Variants in XRCC4 observed in about 807,000 individuals in gnomAD.
The protein encoded by XRCC4 is DNA repair protein XRCC4.
XRCC4 carries 28 observed loss-of-function variants against 39.1 expected under a neutral mutation model. The observed-to-expected ratio is 0.72, with a 90% confidence interval of 0.53 to 0.98. The LOEUF (loss-of-function observed/expected upper bound fraction) is 0.98. Ranked by LOEUF, XRCC4 falls within the 50% of genes least tolerant of loss-of-function variation. The pLI is 0.00. For synonymous variants in XRCC4, 123 were observed against 126.4 expected, an observed-to-expected ratio of 0.97 and a Z score of 0.18; for missense variants, 350 against 376.4, an observed-to-expected ratio of 0.93 and a Z score of 0.58.
At chr5:83,309,165 G>A (rs915513541) in intron 7 of XRCC4, among the ~76,000 whole-genome samples, 12 of 145,884 alleles carry the variant, frequency 8.2e-5, no homozygotes, top group Non-Finnish European at 1.2e-4. Flanking sequence ...TCTAGCCCCA[G>A]CTACTCGGGA....
intron 7 of XRCC4, among the ~76,000 whole-genome samples, chr5:83,269,300 A>G (rs888037080): frequency 6.6e-6 from 1 of 152,074 alleles, no homozygotes; most frequent in Non-Finnish European, 1.5e-5. Flanking sequence ...ACTGTGTCCT[A>G]TGCTGGGACT....
intron 6 of XRCC4, among the ~76,000 whole-genome samples, chr5:83,227,524 G>T (rs1347541332): frequency 1.3e-5 from 2 of 151,940 alleles, no homozygotes; most frequent in African/African-American, 4.8e-5. Flanking sequence ...AATTATCTAC[G>T]TGATTTTTAC....
intron 3 of XRCC4, among the ~76,000 whole-genome samples, chr5:83,171,074 A>G (rs990830864): frequency 6.6e-6 from 1 of 152,004 alleles, no homozygotes; most frequent in Non-Finnish European, 1.5e-5. Flanking sequence ...ACTCTAATAG[A>G]CCTGCACTCA....
chr5:83,370,200 A>G, the XRCC4 span, among the ~76,000 whole-genome samples: 39 of 152,128 alleles, frequency 2.6e-4, no homozygotes, highest in Non-Finnish European at 5.1e-4. Context: ...CCCTTAAATC[A>G]TATTATTGAG....
intron 1 of XRCC4, among the ~76,000 whole-genome samples, chr5:83,092,013 T>C (rs1745451604): frequency 6.6e-6 from 1 of 152,200 alleles, no homozygotes; most frequent in South Asian, 2.1e-4. Flanking sequence ...CTCCACCTTC[T>C]TGCAAGTGTT....
At chr5:83,304,176 C>CTTT (rs753535950) in intron 7 of XRCC4, among the ~76,000 whole-genome samples, 20 of 128,358 alleles carry the variant, frequency 1.6e-4, no homozygotes, top group South Asian at 2.4e-4. Context: ...TGTTAAACAA[C>CTTT]TTTTTTTTTT....
downstream of XRCC4, among the ~76,000 whole-genome samples, chr5:83,358,562 TAA>T (rs1177998148): frequency 6.6e-6 from 1 of 152,070 alleles, no homozygotes; most frequent in Non-Finnish European, 1.5e-5. Context: ...TGCAGGGAAG[TAA>T]AGAGAGATTA....
intron 6 of XRCC4, among the ~76,000 whole-genome samples, chr5:83,244,794 T>C (rs1262820752): frequency 6.6e-6 from 1 of 152,204 alleles, no homozygotes; most frequent in African/African-American, 2.4e-5. Flanking sequence ...TGTATTTCTC[T>C]TCTTTCAGGA....
In XRCC4 at chr5:83,195,917, T is replaced by G; in HGVS notation, c.463T>G (p.Trp155Gly). Residue 155 changes from tryptophan (W) to glycine (G), a missense_variant, in exon 4 of 8, where the codon TGG (tryptophan) becomes GGG (glycine). Coordinates refer to ENST00000396027, the MANE Select transcript of XRCC4 (RefSeq NM_003401.5). The stretch of plus-strand genomic sequence containing the variant: ...AGAAAATGAAAGGCTTCTGAGAGAT[T>G]GGAATGATGTTCAAGGACGGTGTGT... ...QKENERLLRDWNDVQGRFEKC... is the reference protein window; with the variant it reads ...QKENERLLRDGNDVQGRFEKC... The G allele has an allele frequency of 6.2e-7, 1 of 1,609,502 alleles. No homozygotes were observed. Among genetic ancestry groups the G allele is most frequent in the Non-Finnish European group, 8.5e-7 (1 of 1,177,724 alleles).
At chr5:83,117,862 A>T (rs1174730143) in intron 3 of XRCC4, among the ~76,000 whole-genome samples, 1 of 151,994 alleles carries the variant, frequency 6.6e-6, no homozygotes, top group Non-Finnish European at 1.5e-5. Context: ...TAAGCCCAGC[A>T]TGCATTAACT....
intron 1 of XRCC4, among the ~76,000 whole-genome samples, chr5:83,095,945 G>A (rs534810124): frequency 5.9e-5 from 9 of 152,232 alleles, no homozygotes; most frequent in African/African-American, 2.2e-4. Context: ...GATCTGCTGT[G>A]GGATGGAGGC....
At chr5:83,175,948 A>G (rs1440226084) in intron 3 of XRCC4, among the ~76,000 whole-genome samples, 2 of 152,282 alleles carry the variant, frequency 1.3e-5, no homozygotes, top group African/African-American at 4.8e-5. Flanking sequence ...CAACATAATG[A>G]GACCAGGAGT....
At chr5:83,128,330 T>G (rs1580259998) in intron 3 of XRCC4, among the ~76,000 whole-genome samples, 1 of 152,296 alleles carries the variant, frequency 6.6e-6, no homozygotes, top group African/African-American at 2.4e-5. Flanking sequence ...TACATAGTAT[T>G]CCATGGTGTA....
At chr5:83,089,548 C>T (rs1333785129) in intron 1 of XRCC4, among the ~76,000 whole-genome samples, 1 of 152,086 alleles carries the variant, frequency 6.6e-6, no homozygotes, top group Non-Finnish European at 1.5e-5. Context: ...AGTGTCAGAT[C>T]CCACAGGTTT....
intron 4 of XRCC4, among the ~76,000 whole-genome samples, chr5:83,197,981 G>A (rs1751023589): frequency 6.6e-6 from 1 of 152,122 alleles, no homozygotes. Flanking sequence ...CTTGATCATG[G>A]CCAAGCAGCA....
chr5:83,215,932 A>G (rs1382791263), intron 6 of XRCC4, among the ~76,000 whole-genome samples: 1 of 152,206 alleles, frequency 6.6e-6, no homozygotes, highest in Non-Finnish European at 1.5e-5. Flanking sequence ...TATCAAAAGC[A>G]CAATACATAA....
intron 4 of XRCC4, among the ~76,000 whole-genome samples, chr5:83,199,439 T>C (rs745494607): frequency 6.6e-6 from 1 of 152,192 alleles, no homozygotes; most frequent in African/African-American, 2.4e-5. Flanking sequence ...TAGCTTTCTT[T>C]GTCTTCCCAA....
chr5:83,291,951 CTGTG>C (rs34789998), intron 7 of XRCC4, among the ~76,000 whole-genome samples: 4,787 of 143,964 alleles, frequency 0.033, 239 homozygotes, highest in African/African-American at 0.11. Context: ...ATGTGTATTT[CTGTG>C]TGTGTGTGTG....
chr5:83,348,028 G>T (rs1395174477), intron 7 of XRCC4, among the ~76,000 whole-genome samples: 3 of 152,134 alleles, frequency 2.0e-5, no homozygotes, highest in Admixed American at 2.0e-4. Context: ...TCACATCCAG[G>T]GCACAGTGAT....
Sources: allele counts gnomAD v4.1 joint callset (sites outside exome capture counted in the v4.1 genomes callset), GRCh38; gene constraint gnomAD v4.1.1; transcripts MANE v1.5; gene names NCBI Gene and HGNC (gene_info 2026-07-23, HGNC 2026-07-21).